Variants in KCNQ3 observed in about 807,000 individuals in gnomAD.
KCNQ3 encodes potassium voltage-gated channel subfamily Q member 3, also known as potassium voltage-gated channel subfamily KQT member 3.
In KCNQ3, 30 loss-of-function variants were observed where a neutral mutation model predicts 92.5. That is an observed-to-expected ratio of 0.32 (90% CI 0.24 to 0.44). The LOEUF (loss-of-function observed/expected upper bound fraction) is 0.44. KCNQ3 is among the 20% of genes least tolerant of loss of function. The probability of loss-of-function intolerance (pLI) is 1.00; values close to 1 mark genes in which losing one functional copy is unlikely to be tolerated. For missense variants in KCNQ3, 913 were observed against 1,140.3 expected, an observed-to-expected ratio of 0.80 and a Z score of 2.87; for synonymous variants, 450 against 468.8, an observed-to-expected ratio of 0.96 and a Z score of 0.52.
At chr8:132,445,519 A>C (rs1821652000) in intron 1 of KCNQ3, among the ~76,000 whole-genome samples, 1 of 149,588 alleles carries the variant, frequency 6.7e-6, no homozygotes, top group Non-Finnish European at 1.5e-5. Flanking sequence ...ATATTACTCA[A>C]CTGAGGCACT....
intron 9 of KCNQ3, among the ~76,000 whole-genome samples, chr8:132,143,768 C>T (rs1023364553): frequency 2.6e-4 from 39 of 152,120 alleles, no homozygotes; most frequent in Non-Finnish European, 5.1e-4. Flanking sequence ...AGAAGGCTGA[C>T]GATGTGTGTG....
chr8:132,457,033 C>T (rs1355234548), intron 1 of KCNQ3, among the ~76,000 whole-genome samples: 17 of 152,254 alleles, frequency 1.1e-4, no homozygotes, highest in Admixed American at 1.1e-3. Context: ...TGCTGGAAAT[C>T]TGAAGCCAGG....
intron 1 of KCNQ3, among the ~76,000 whole-genome samples, chr8:132,235,691 C>T (rs1814791827): frequency 1.3e-5 from 2 of 152,212 alleles, no homozygotes; most frequent in South Asian, 2.1e-4. Context: ...TCCCTGAACA[C>T]ACCATATAAC....
At chr8:132,239,114 A>G (rs1179057271) in intron 1 of KCNQ3, among the ~76,000 whole-genome samples, 1 of 152,130 alleles carries the variant, frequency 6.6e-6, no homozygotes, top group Non-Finnish European at 1.5e-5. Context: ...TAATTCATAC[A>G]ATTTGTAGGA....
chr8:132,224,416 G>T (rs887521576), intron 1 of KCNQ3, among the ~76,000 whole-genome samples: 13 of 151,964 alleles, frequency 8.6e-5, no homozygotes, highest in African/African-American at 3.1e-4. Context: ...GGTGGTGGAA[G>T]CACTGAGTGT....
At chr8:132,182,052 A>C (rs541893175) in intron 3 of KCNQ3, among the ~76,000 whole-genome samples, 84 of 149,582 alleles carry the variant, frequency 5.6e-4, no homozygotes, top group African/African-American at 2.1e-3. Context: ...TCTCAAAAAA[A>C]AAAAAACCAT....
intron 12 of KCNQ3, among the ~76,000 whole-genome samples, chr8:132,137,200 G>C (rs1825131563): frequency 6.6e-6 from 1 of 152,028 alleles, no homozygotes; most frequent in African/African-American, 2.4e-5. Context: ...AATGAGAGCA[G>C]GTACCATTCT....
intron 14 of KCNQ3, among the ~76,000 whole-genome samples, chr8:132,130,363 C>G (rs1192984094): frequency 1.3e-5 from 2 of 152,176 alleles, no homozygotes; most frequent in Non-Finnish European, 2.9e-5. Context: ...AGGCATGAAC[C>G]ACCGCGCCTG....
chr8:132,260,237 G>A (rs1815734964), intron 1 of KCNQ3, among the ~76,000 whole-genome samples: 1 of 152,134 alleles, frequency 6.6e-6, no homozygotes, highest in Non-Finnish European at 1.5e-5. Context: ...GAAAATTCAT[G>A]ATAATGTTTT....
chr8:132,269,438 T>C (rs533311501), intron 1 of KCNQ3, among the ~76,000 whole-genome samples: 8 of 152,374 alleles, frequency 5.3e-5, no homozygotes, highest in African/African-American at 1.9e-4. Context: ...TCTGGATCTC[T>C]GGTTGTTTCA....
At chr8:132,147,629 A>G (rs1459069515) in intron 9 of KCNQ3, among the ~76,000 whole-genome samples, 1 of 152,206 alleles carries the variant, frequency 6.6e-6, no homozygotes, top group Admixed American at 6.5e-5. Flanking sequence ...AATGGATGAT[A>G]GATGAATGGA....
chr8:132,149,460 C>T (rs1462126776), intron 9 of KCNQ3, among the ~76,000 whole-genome samples: 2 of 152,220 alleles, frequency 1.3e-5, no homozygotes, highest in Non-Finnish European at 2.9e-5. Flanking sequence ...CTTTCCTGGT[C>T]ATGTGACAAG....
chr8:132,373,552 T>G (rs1819530752), intron 1 of KCNQ3, among the ~76,000 whole-genome samples: 1 of 152,094 alleles, frequency 6.6e-6, no homozygotes, highest in Non-Finnish European at 1.5e-5. Flanking sequence ...TCCATTTGAC[T>G]CAGAGGAAAC....
chr8:132,183,668 T>A (rs184571880), intron 3 of KCNQ3, among the ~76,000 whole-genome samples: 2 of 152,326 alleles, frequency 1.3e-5, no homozygotes, highest in African/African-American at 4.8e-5. Flanking sequence ...AGGATTCCAG[T>A]GACACCTCTC....
intron 1 of KCNQ3, among the ~76,000 whole-genome samples, chr8:132,276,677 T>C (rs1816341462): frequency 6.6e-6 from 1 of 152,290 alleles, no homozygotes; most frequent in East Asian, 1.9e-4. Context: ...TTTTGAAATA[T>C]CATAACAATC....
chr8:132,195,754 T>C (rs1036455936), intron 1 of KCNQ3, among the ~76,000 whole-genome samples: 3 of 152,168 alleles, frequency 2.0e-5, no homozygotes, highest in Non-Finnish European at 4.4e-5. Context: ...TTCAACTATA[T>C]GCTGTCTACG....
intron 1 of KCNQ3, among the ~76,000 whole-genome samples, chr8:132,443,939 A>C (rs909858819): frequency 1.3e-5 from 2 of 152,164 alleles, no homozygotes; most frequent in African/African-American, 2.4e-5. Context: ...ATAAATAATA[A>C]GTGATTTAAT....
chr8:132,219,630 C>CT (rs907406428), intron 1 of KCNQ3, among the ~76,000 whole-genome samples: 186 of 147,314 alleles, frequency 1.3e-3, no homozygotes, highest in African/African-American at 3.6e-3. Context: ...CTCCTTGAAT[C>CT]TTTTTTTTTT....
chr8:132,361,952 T>G (rs1819185225), intron 1 of KCNQ3, among the ~76,000 whole-genome samples: 1 of 152,172 alleles, frequency 6.6e-6, no homozygotes, highest in South Asian at 2.1e-4. Flanking sequence ...ATAAAGCCAT[T>G]AACATTATAT....
Sources: gnomAD v4.1 joint callset for allele counts (sites outside exome capture counted in the v4.1 genomes callset) on GRCh38, gnomAD v4.1.1 for gene constraint, MANE v1.5 for transcripts, NCBI Gene and HGNC (gene_info 2026-07-23, HGNC 2026-07-21) for gene names.